The following CNST variants were observed in gnomAD, a reference collection of about 807,000 sequenced individuals.
CNST encodes consortin, connexin sorting protein.
CNST carries 39 observed loss-of-function variants against 72.4 expected under a neutral mutation model. The ratio of observed to expected loss-of-function variants is 0.54; its 90% CI spans 0.42 to 0.70. The LOEUF (loss-of-function observed/expected upper bound fraction) is 0.70, where lower values mean the gene tolerates loss of function less well. CNST is among the 30% of genes least tolerant of loss of function. The probability of loss-of-function intolerance (pLI) is 0.00; values close to 1 mark genes in which losing one functional copy is unlikely to be tolerated. For synonymous variants in CNST, 332 were observed against 320.1 expected (o/e 1.04, Z -0.40); for missense variants, 871 against 868.5 (o/e 1.00, Z -0.04).
At chr1:246,646,927 T>A (rs1666118698) in intron 8 of CNST, among the ~76,000 whole-genome samples, 1 of 152,250 alleles carries the variant, frequency 6.6e-6, no homozygotes, top group Admixed American at 6.5e-5. Context: ...CATATTCACA[T>A]GCTTTTGAAT....
chr1:246,654,565 C>T (rs1007026288), intron 9 of CNST, among the ~76,000 whole-genome samples: 17 of 152,254 alleles, frequency 1.1e-4, no homozygotes, highest in African/African-American at 1.7e-4. Context: ...AAGACGCACA[C>T]ATACTGTCTT....
intron 3 of CNST, among the ~76,000 whole-genome samples, chr1:246,631,683 G>A (rs1333531986): frequency 1.3e-5 from 2 of 152,192 alleles, no homozygotes; most frequent in African/African-American, 2.4e-5. Flanking sequence ...ACCAAAGAAC[G>A]TCTCTGCTTT....
intron 9 of CNST, among the ~76,000 whole-genome samples, chr1:246,652,961 A>G (rs554401053): frequency 2.5e-3 from 383 of 151,088 alleles, no homozygotes; most frequent in African/African-American, 4.5e-3. Flanking sequence ...CCGAGATTGC[A>G]CCACTGCACT....
rs777918966 is a variant in CNST at position 246,647,990 on chromosome 1, A to G, written c.1789A>G (p.Ser597Gly). The G allele has an allele frequency of 6.2e-7, 1 of 1,613,602 alleles. No homozygotes were observed. The highest frequency in any genetic ancestry group is 1.7e-5 in the Admixed American group (1 of 59,978). Residue 597 changes from serine (S) to glycine (G), a missense_variant, in exon 9 of 11, where the codon AGC (serine) becomes GGC (glycine). Ser to Gly is a moderately conservative substitution (Grantham distance 56). Coordinates refer to ENST00000366513, the MANE Select transcript of CNST (RefSeq NM_152609.3). The part of the protein sequence containing the change: ...SLQENLPSDE[S>G]CLSLDDLAKR... ...CCAGGAGAATCTGCCTTCTGATGAG[A>G]GCTGTCTTTCTCTTGATGATCTTGC...
chr1:246,576,394 TATTA>T (rs1249808867), intron 1 of CNST, among the ~76,000 whole-genome samples: 4 of 149,686 alleles, frequency 2.7e-5, no homozygotes, highest in Non-Finnish European at 4.4e-5. Flanking sequence ...GTTCAGTGAC[TATTA>T]TTTTAACTTT....
At chr1:246,580,981 C>A (rs1309859117) in intron 1 of CNST, among the ~76,000 whole-genome samples, 2 of 152,016 alleles carry the variant, frequency 1.3e-5, no homozygotes, top group East Asian at 3.9e-4. Flanking sequence ...TCAAGTGATC[C>A]CCCCACCTTG....
chr1:246,605,921 G>C (rs962853680), intron 2 of CNST: 4 of 151,994 alleles, frequency 2.6e-5, no homozygotes, highest in African/African-American at 9.7e-5. Flanking sequence ...GCGGCCTTGC[G>C]CCTTGGGACT....
intron 9 of CNST, among the ~76,000 whole-genome samples, chr1:246,652,876 C>G (rs1362230493): frequency 6.6e-6 from 1 of 150,734 alleles, no homozygotes. Context: ...TGGTGGCGGG[C>G]GCCTGTAGTC....
chr1:246,629,858 A>C (rs1664668015), intron 3 of CNST, among the ~76,000 whole-genome samples: 1 of 152,102 alleles, frequency 6.6e-6, no homozygotes, highest in Admixed American at 6.5e-5. Flanking sequence ...CAGCCTCCCA[A>C]GTAGCTGGGA....
chr1:246,594,481 G>A (rs766849177), intron 2 of CNST, among the ~76,000 whole-genome samples: 16 of 152,120 alleles, frequency 1.1e-4, no homozygotes, highest in Non-Finnish European at 2.2e-4. Flanking sequence ...GTTTAAGAGA[G>A]TAAGAAAGGC....
intron 1 of CNST, among the ~76,000 whole-genome samples, chr1:246,585,697 ACACACACACACACAC>A (rs2103017791): frequency 6.9e-6 from 1 of 145,780 alleles, no homozygotes; most frequent in African/African-American, 2.6e-5. Flanking sequence ...ACACACACAC[ACACACACACACACAC>A]TATATATGTA....
At chr1:246,625,343 C>T (rs1664341947) in intron 3 of CNST, among the ~76,000 whole-genome samples, 1 of 151,784 alleles carries the variant, frequency 6.6e-6, no homozygotes, top group African/African-American at 2.4e-5. Flanking sequence ...TTCTTTCACA[C>T]TGACATTTAT....
chr1:246,639,845 A>G (rs1478082196), intron 6 of CNST, among the ~76,000 whole-genome samples: 3 of 151,368 alleles, frequency 2.0e-5, no homozygotes, highest in South Asian at 4.2e-4. Flanking sequence ...TCAGCCCCAC[A>G]TGAGGATGGG....
In CNST at chr1:246,624,342, A is replaced by C. The variant is rs1461098029; in HGVS notation, c.585+2708A>C. Among the ~76,000 whole-genome samples, 4 of 152,344 alleles carry C rather than the reference A, an allele frequency of 2.6e-5. No individual in the cohort carries two copies. In the East Asian group the frequency reaches 5.8e-4, roughly 22 times the overall value. On this transcript the variant is annotated intron_variant, in intron 3 of 10. Coordinates refer to ENST00000366513, the MANE Select transcript of CNST (RefSeq NM_152609.3). ...GAGAATACGGTGGTGGTTTAAAAGT[A>C]TGGGCTTTGGCCCTACCACAAGCTA... is the stretch of plus-strand genomic sequence containing the variant.
rs372267462 is a variant in CNST at position 246,591,924 on chromosome 1, C to T, written c.362C>T (p.Ala121Val). The T allele has an allele frequency of 1.9e-6, 3 of 1,608,618 alleles. No homozygotes were observed. Among genetic ancestry groups the T allele is most frequent in the East Asian group, 2.2e-5 (1 of 44,870 alleles). The change falls in exon 2 of 11, where the codon GCT becomes GTT. Residue 121 changes from alanine to valine, a missense_variant. Ala to Val is a moderately conservative substitution (Grantham distance 64). Transcript: ENST00000366513. ...AGTCCAAGAAGCAAAAAAGGGACTG[C>T]TAAGAAGATACCACCAGGTATTGTT... The part of the protein sequence containing the change: ...KRSPRSKKGT[A>V]KKIPPGLFSG...
intron 2 of CNST, among the ~76,000 whole-genome samples, chr1:246,611,805 GT>G (rs1482912568): frequency 2.0e-5 from 3 of 152,158 alleles, no homozygotes. Flanking sequence ...ATTATTCACA[GT>G]AGCAAAAAGG....
At chr1:246,646,781 C>A (rs1666105984) in intron 8 of CNST, among the ~76,000 whole-genome samples, 1 of 152,196 alleles carries the variant, frequency 6.6e-6, no homozygotes, top group East Asian at 1.9e-4. Context: ...TGCCTGGCCC[C>A]ATACACCATG....
Position 246,569,526 on chromosome 1 carries a change from G to A in CNST, c.-52+2863G>A, listed in dbSNP as rs544124047. ...TGAAGTACTGCGGTATTTAATTTGAGAAGTTTCTATGCAGGAAGAGAGTTC... is the reference window on the plus strand; with the variant it reads ...TGAAGTACTGCGGTATTTAATTTGAAAAGTTTCTATGCAGGAAGAGAGTTC... On this transcript the variant is annotated intron_variant, in intron 1 of 10. Transcript: ENST00000366513. Among the ~76,000 whole-genome samples, 9 of 152,310 alleles carry A rather than the reference G, an allele frequency of 5.9e-5. No homozygotes were observed. The South Asian group carries it at 1.7e-3, about 28-fold the overall frequency.
chr1:246,593,120 T>A (rs955646303), intron 2 of CNST, among the ~76,000 whole-genome samples: 2 of 152,206 alleles, frequency 1.3e-5, no homozygotes, highest in African/African-American at 4.8e-5. Flanking sequence ...TTTTTATTTG[T>A]ATTTTTAAAA....
Sources: gnomAD v4.1 joint callset for allele counts (sites outside exome capture counted in the v4.1 genomes callset) on GRCh38, gnomAD v4.1.1 for gene constraint, MANE v1.5 for transcripts, NCBI Gene and HGNC (gene_info 2026-07-23, HGNC 2026-07-21) for gene names.